Variants in MARCHF6 observed in about 807,000 individuals in gnomAD.
The protein encoded by MARCHF6 is E3 ubiquitin-protein ligase MARCHF6.
MARCHF6 carries 31 observed loss-of-function variants against 133.7 expected under a neutral mutation model. The ratio of observed to expected loss-of-function variants is 0.23; its 90% CI spans 0.17 to 0.31. The LOEUF (loss-of-function observed/expected upper bound fraction) is 0.31. Ranked by LOEUF, MARCHF6 falls within the 10% of genes least tolerant of loss-of-function variation. MARCHF6 has a pLI of 1.00. For missense variants in MARCHF6, 723 were observed against 1,121.6 expected (o/e 0.64, Z 5.08); for synonymous variants, 395 against 402.5 (o/e 0.98, Z 0.22).
At chr5:10,404,068 T>TTTATTTATTTAC (rs1277776235) in intron 15 of MARCHF6, among the ~76,000 whole-genome samples, 3 of 139,254 alleles carry the variant, frequency 2.2e-5, no homozygotes, top group African/African-American at 7.8e-5. Flanking sequence ...TATTTATTTA[T>TTTATTTATTTAC]TTATTTATTT....
At chr5:10,423,690 G>A (rs1739940205) in intron 22 of MARCHF6, 45 bp from the exon 23 acceptor site, 2 of 1,347,280 alleles carry the variant, frequency 1.5e-6, no homozygotes, top group East Asian at 2.3e-5. Context: ...TGTGTTTATT[G>A]TTAAAAAACA....
At chr5:10,403,564 A>T in intron 15 of MARCHF6, 23 bp downstream of exon 15, 3 of 1,583,356 alleles carry the variant, frequency 1.9e-6, no homozygotes, top group African/African-American at 1.4e-5. Flanking sequence ...GGAAATGCTG[A>T]TGCTGTACAT....
chr5:10,361,041 C>T (rs1735790910), intron 1 of MARCHF6, among the ~76,000 whole-genome samples: 1 of 152,168 alleles, frequency 6.6e-6, no homozygotes, highest in East Asian at 1.9e-4. Context: ...GAAGTAAGAA[C>T]CCCCCAAGGG....
chr5:10,433,228 T>C (rs920325170), intron 25 of MARCHF6, among the ~76,000 whole-genome samples: 3 of 152,228 alleles, frequency 2.0e-5, no homozygotes, highest in South Asian at 2.1e-4. Flanking sequence ...TTAGTCTGTC[T>C]CCTTAGATCT....
In MARCHF6 at chr5:10,398,429, AT is replaced by A. The variant is rs777727925; in HGVS notation, c.913+1088del. Among the ~76,000 whole-genome samples, 84 of 152,228 alleles carry A rather than the reference AT, an allele frequency of 5.5e-4. 1 individual carries two copies. The highest frequency in any genetic ancestry group is 6.8e-3 in the Middle Eastern group (2 of 294). Reference sequence around the variant, plus strand: ...CAAAGTATTTCGGATACTTCCATTGATTTCTTAATTTTTAGTAGATACTCAC... The same window carrying A: ...CAAAGTATTTCGGATACTTCCATTGATTCTTAATTTTTAGTAGATACTCAC... On this transcript the variant is annotated intron_variant, in intron 10 of 25. Coordinates refer to ENST00000274140, the MANE Select transcript of MARCHF6 (RefSeq NM_005885.4).
intron 22 of MARCHF6, among the ~76,000 whole-genome samples, chr5:10,420,814 A>G (rs1375512599): frequency 2.0e-5 from 3 of 152,230 alleles, no homozygotes; most frequent in Non-Finnish European, 4.4e-5. Flanking sequence ...CTCATTACCA[A>G]TTACAGTTTT....
intron 3 of MARCHF6, among the ~76,000 whole-genome samples, chr5:10,379,380 A>C (rs1413202966): frequency 2.6e-5 from 4 of 152,224 alleles, no homozygotes; most frequent in African/African-American, 9.6e-5. Flanking sequence ...TGATTTCATC[A>C]AATATTCAGT....
intron 1 of MARCHF6, among the ~76,000 whole-genome samples, chr5:10,355,579 A>G (rs72740434): frequency 0.011 from 1,627 of 152,368 alleles, 10 homozygotes; most frequent in Admixed American, 0.016. Flanking sequence ...TAATCAGGAT[A>G]AGGTATACAT....
Position 10,394,799 on chromosome 5 carries a change from A to ATTTTTTTTT in MARCHF6, c.861+24_861+32dup. ...CTAGTTTTTCTGGTAAGTAAAACTAATTTTTTTTTTTTTTTTTTGAGACGG... is the reference window on the plus strand; with the variant it reads ...CTAGTTTTTCTGGTAAGTAAAACTAATTTTTTTTTTTTTTTTTTTTTTTTTTTGAGACGG... On this transcript the variant is annotated intron_variant, in intron 9 of 25. Transcript: ENST00000274140. 1 of 1,242,700 alleles carries ATTTTTTTTT rather than the reference A, an allele frequency of 8.0e-7. No homozygotes were observed. Among genetic ancestry groups the ATTTTTTTTT allele is most frequent in the African/African-American group, 1.7e-5 (1 of 60,450 alleles). 77.0% of individuals were successfully genotyped at this position (1,242,700 alleles called of 1,614,324 possible).
chr5:10,367,143 C>T (rs1268852133), intron 1 of MARCHF6, among the ~76,000 whole-genome samples: 1 of 152,046 alleles, frequency 6.6e-6, no homozygotes, highest in Non-Finnish European at 1.5e-5. Flanking sequence ...TTGTCAAGGT[C>T]GTCAGAAACA....
intron 25 of MARCHF6, among the ~76,000 whole-genome samples, chr5:10,431,154 T>C (rs1740339327): frequency 6.6e-6 from 1 of 152,190 alleles, no homozygotes; most frequent in Non-Finnish European, 1.5e-5. Flanking sequence ...TGTTCAAGAC[T>C]TCTCCAAAGC....
At chr5:10,417,522 G>A (rs1739576801) in intron 22 of MARCHF6, 118 bp downstream of exon 22, 1 of 1,320,794 alleles carries the variant, frequency 7.6e-7, no homozygotes, top group South Asian at 1.2e-5. Flanking sequence ...GAGGTGGGAG[G>A]ACTGCTTGCA....
At chr5:10,390,241 C>A (rs879111911) in intron 5 of MARCHF6, 91 bp from the exon 6 acceptor site, 125 of 658,970 alleles carry the variant, frequency 1.9e-4, no homozygotes, top group Non-Finnish European at 2.1e-4. Context: ...TTTTTTTTTT[C>A]TGAGACTTTA....
chr5:10,353,823 C>T lies in MARCHF6; in HGVS notation c.-76C>T, dbSNP rs1735251084. ...CGCACCTGCCCGGGCCCGGCTCCCTCCTCCTCTCCCCTCCCTCTTTCCCCG... is the reference window on the plus strand; with the variant it reads ...CGCACCTGCCCGGGCCCGGCTCCCTTCTCCTCTCCCCTCCCTCTTTCCCCG... On this transcript the variant is annotated 5_prime_UTR_variant, in exon 1 of 26. Transcript: ENST00000274140. 2 of 1,408,352 alleles carry T rather than the reference C, an allele frequency of 1.4e-6. No individual in the cohort carries two copies. Among genetic ancestry groups the T allele is most frequent in the Non-Finnish European group, 1.9e-6 (2 of 1,031,418 alleles). The allele number at this position is 1,408,352 out of a possible 1,614,324, so 87.2% of individuals were successfully genotyped here.
chr5:10,423,779 A>G lies in MARCHF6; in HGVS notation c.2328A>G (p.Ile776Met), dbSNP rs766926204. The G allele has an allele frequency of 3.1e-6, 5 of 1,613,750 alleles. No homozygotes were observed. Among genetic ancestry groups the G allele is most frequent in the Non-Finnish European group, 4.2e-6 (5 of 1,179,804 alleles). Residue 776 changes from isoleucine (I) to methionine (M), a missense_variant, in exon 23 of 26, where the codon ATA becomes ATG. By Grantham distance (10) the Ile-to-Met change is conservative. This residue lies in a region of MARCHF6 where 492 missense variants were observed against 699.5 expected (regional missense o/e 0.70). Transcript: ENST00000274140. ...GVLHAKIIAAITLMGPQWWLK... is the reference protein window; with the variant it reads ...GVLHAKIIAAMTLMGPQWWLK... ...TGCATGCCAAAATCATTGCAGCTAT[A>G]ACATTGATGGGTCCTCAGTGGTGGT...
chr5:10,377,067 C>G (rs1736830326), intron 1 of MARCHF6, among the ~76,000 whole-genome samples: 1 of 152,146 alleles, frequency 6.6e-6, no homozygotes, highest in Non-Finnish European at 1.5e-5. Context: ...GTCGCGGTTC[C>G]TCTGCCGTCG....
intron 19 of MARCHF6, among the ~76,000 whole-genome samples, chr5:10,412,284 G>A (rs895254412): frequency 6.6e-6 from 1 of 152,186 alleles, no homozygotes; most frequent in Non-Finnish European, 1.5e-5. Flanking sequence ...GAGAGCATAC[G>A]TGGTCTTTGC....
At chr5:10,389,464 C>G (rs1737683401) in intron 5 of MARCHF6, among the ~76,000 whole-genome samples, 1 of 151,216 alleles carries the variant, frequency 6.6e-6, no homozygotes, top group Non-Finnish European at 1.5e-5. Context: ...TGCGGTGGCT[C>G]AATCTTGGCT....
At chr5:10,380,360 C>T (rs185979857) in intron 3 of MARCHF6, among the ~76,000 whole-genome samples, 9 of 152,166 alleles carry the variant, frequency 5.9e-5, no homozygotes, top group East Asian at 5.8e-4. Context: ...TTCTGTAGTA[C>T]GTAAAAGCTG....
Sources: gnomAD v4.1 joint callset for allele counts (sites outside exome capture counted in the v4.1 genomes callset) on GRCh38, gnomAD v4.1.1 for gene constraint, gnomAD v4.1.1 regional missense constraint, MANE v1.5 for transcripts, NCBI Gene and HGNC (gene_info 2026-07-23, HGNC 2026-07-21) for gene names.